Variants in STAG1 observed in about 807,000 individuals in gnomAD.
The protein encoded by STAG1 is STAG1 cohesin complex component.
In STAG1, 26 loss-of-function variants were observed where a neutral mutation model predicts 170.9. That is an observed-to-expected ratio of 0.15 (90% CI 0.11 to 0.21). The LOEUF (loss-of-function observed/expected upper bound fraction) is 0.21. Among genes scored for constraint, STAG1 ranks in the 10% least tolerant of loss-of-function variants. The pLI is 1.00. For missense variants in STAG1, 964 were observed against 1,509.5 expected (o/e 0.64, Z 5.99); for synonymous variants, 514 against 497.7 (o/e 1.03, Z -0.44).
intron 1 of STAG1, chr3:136,736,644 C>T (rs1229898452): frequency 2.0e-5 from 32 of 1,603,794 alleles, no homozygotes; most frequent in African/African-American, 4.0e-5. Context: ...CTCTCTTTCC[C>T]GTTTGGCTTT....
chr3:136,370,492 T>A (rs1482684748), intron 23 of STAG1, among the ~76,000 whole-genome samples: 3 of 152,190 alleles, frequency 2.0e-5, no homozygotes, highest in Non-Finnish European at 4.4e-5. Flanking sequence ...GTGTATCTCC[T>A]AATGCTATCC....
At chr3:136,739,853 AC>A (rs1934568322) in intron 1 of STAG1, among the ~76,000 whole-genome samples, 2 of 151,538 alleles carry the variant, frequency 1.3e-5, no homozygotes, top group Non-Finnish European at 2.9e-5. Flanking sequence ...ATACATATAT[AC>A]ACACACACAC....
chr3:136,528,831 G>C (rs903718773), intron 6 of STAG1, among the ~76,000 whole-genome samples: 4 of 151,858 alleles, frequency 2.6e-5, no homozygotes, highest in Non-Finnish European at 5.9e-5. Flanking sequence ...TTGGGAGGCT[G>C]AAGTGGGAGA....
Position 136,422,450 on chromosome 3 carries a change from A to G in STAG1, c.1997T>C (p.Val666Ala), listed in dbSNP as rs2087986712. ...IARSQLIDEF[V>A]DRFNHSVEDL... Reference sequence around the variant, plus strand: ...TTCCACAGAATGATTGAATCGATCTACAAACTCATCAATCAGCTGGCTTCG... The same window carrying G: ...TTCCACAGAATGATTGAATCGATCTGCAAACTCATCAATCAGCTGGCTTCG... The change falls in exon 19 of 34, where the codon GTA becomes GCA. Residue 666 changes from valine (V) to alanine (A), a missense_variant. Around this residue, in one of 11 missense-constraint regions of STAG1, gnomAD observed 232 missense variants for 313.0 expected, o/e 0.74. Transcript: ENST00000383202. 1 of 1,614,088 alleles carries G rather than the reference A, an allele frequency of 6.2e-7. No homozygotes were observed. Among genetic ancestry groups the G allele is most frequent in the Non-Finnish European group, 8.5e-7 (1 of 1,180,000 alleles).
rs148415710 is a variant in STAG1, at chr3:136,695,370, G to C, written c.-84+56825C>G. On this transcript the variant is annotated intron_variant, in intron 1 of 33. Coordinates refer to ENST00000383202, the MANE Select transcript of STAG1 (RefSeq NM_005862.3). ...AAGAATCACTTGAAACTGGGAGGTG[G>C]AGGTTGCAGTGCGCCGAGATTGCAC... Among the ~76,000 whole-genome samples, 871 of 151,868 alleles carry C rather than the reference G, an allele frequency of 5.7e-3. 3 individuals are homozygous for C. The highest frequency in any genetic ancestry group is 9.8e-3 in the Non-Finnish European group (664 of 67,960).
At chr3:136,675,538 T>C (rs1942105268) in intron 1 of STAG1, among the ~76,000 whole-genome samples, 1 of 152,196 alleles carries the variant, frequency 6.6e-6, no homozygotes, top group South Asian at 2.1e-4. Context: ...TTATCATTTT[T>C]TTAAAGTTGA....
chr3:136,436,294 T>C (rs1457018612), intron 15 of STAG1, among the ~76,000 whole-genome samples: 1 of 151,814 alleles, frequency 6.6e-6, no homozygotes, highest in Non-Finnish European at 1.5e-5. Context: ...ATTTTTGGTT[T>C]TTTTGGAAGT....
At chr3:136,387,159 A>G (rs757686297) in intron 22 of STAG1, among the ~76,000 whole-genome samples, 1 of 152,236 alleles carries the variant, frequency 6.6e-6, no homozygotes, top group Non-Finnish European at 1.5e-5. Flanking sequence ...TTTTTGTGTT[A>G]AGGATCAGAT....
chr3:136,694,547 T>C (rs1462573120), intron 1 of STAG1, among the ~76,000 whole-genome samples: 1 of 151,096 alleles, frequency 6.6e-6, no homozygotes, highest in Non-Finnish European at 1.5e-5. Context: ...GCCCAGGAGG[T>C]TGGGGCTATA....
intron 1 of STAG1, among the ~76,000 whole-genome samples, chr3:136,707,522 C>T (rs951672888): frequency 1.3e-5 from 2 of 152,106 alleles, no homozygotes; most frequent in Non-Finnish European, 2.9e-5. Flanking sequence ...GGGTATTAGT[C>T]CATTTTGTGT....
chr3:136,461,435 C>CA (rs1319265636), intron 13 of STAG1, among the ~76,000 whole-genome samples: 2 of 151,778 alleles, frequency 1.3e-5, no homozygotes, highest in Non-Finnish European at 2.9e-5. Flanking sequence ...AGACTCCGCC[C>CA]AAAAAATTGT....
At chr3:136,409,050 A>T (rs1560094779) in intron 21 of STAG1, among the ~76,000 whole-genome samples, 1 of 152,086 alleles carries the variant, frequency 6.6e-6, no homozygotes, top group Non-Finnish European at 1.5e-5. Context: ...TGGATCACAG[A>T]GGTCAGGAGT....
intron 19 of STAG1, among the ~76,000 whole-genome samples, chr3:136,422,097 C>G (rs951044880): frequency 1.4e-5 from 2 of 142,062 alleles, no homozygotes; most frequent in East Asian, 4.1e-4. Flanking sequence ...CGGTGAGCAA[C>G]GAACTGAGAT....
chr3:136,376,942 C>T (rs1937630561), intron 23 of STAG1, among the ~76,000 whole-genome samples: 1 of 151,614 alleles, frequency 6.6e-6, no homozygotes, highest in Non-Finnish European at 1.5e-5. Context: ...AGGCGCCTGC[C>T]ACCATGCCCG....
chr3:136,495,923 C>T (rs573165900), intron 9 of STAG1, among the ~76,000 whole-genome samples: 10 of 148,202 alleles, frequency 6.7e-5, no homozygotes, highest in African/African-American at 2.5e-4. Flanking sequence ...GAGCAGAGAC[C>T]GTGCACCACT....
At chr3:136,404,478 G>C (rs1047863969) in intron 21 of STAG1, among the ~76,000 whole-genome samples, 3 of 152,086 alleles carry the variant, frequency 2.0e-5, no homozygotes, top group African/African-American at 7.2e-5. Flanking sequence ...TGAATGACTG[G>C]GGAGAGCAAT....
rs1382944863 is a variant in STAG1, at chr3:136,680,127, C to T, written c.-83-49146G>A. ...CTCTACTAAAAATACAAAAATTAGC[C>T]GTGCACGCCTGTAATCCCAGCTACT... On this transcript the variant is annotated intron_variant, in intron 1 of 33. Transcript: ENST00000383202. 7.2e-4 allele frequency among the ~76,000 whole-genome samples: 107 copies of T among 148,510 alleles called. 1 individual carries two copies. The highest frequency in any genetic ancestry group is 1.0e-4 in the Non-Finnish European group (7 of 66,906).
At chr3:136,417,823 CAT>C in intron 21 of STAG1, 60 bp downstream of exon 21, 1 of 1,235,902 alleles carries the variant, frequency 8.1e-7, no homozygotes, top group Non-Finnish European at 1.2e-6. Flanking sequence ...TTCTGATAAT[CAT>C]ATGACTTCAG....
intron 1 of STAG1, among the ~76,000 whole-genome samples, chr3:136,741,101 C>G (rs1934646383): frequency 6.6e-6 from 1 of 152,126 alleles, no homozygotes; most frequent in Non-Finnish European, 1.5e-5. Context: ...GTGAAGGGTC[C>G]TGGAAGAAAG....
Sources: allele counts gnomAD v4.1 joint callset (sites outside exome capture counted in the v4.1 genomes callset), GRCh38; gene constraint gnomAD v4.1.1; regional missense constraint gnomAD v4.1.1; transcripts MANE v1.5; gene names NCBI Gene and HGNC (gene_info 2026-07-23, HGNC 2026-07-21).